The following GREB1 variants were observed in gnomAD, a reference collection of about 807,000 sequenced individuals.
The protein encoded by GREB1 is protein GREB1.
GREB1 carries 106 observed loss-of-function variants against 200.7 expected under a neutral mutation model. The ratio of observed to expected loss-of-function variants is 0.53; its 90% confidence interval spans 0.45 to 0.62. The LOEUF (loss-of-function observed/expected upper bound fraction) is 0.62, where lower values mean the gene tolerates loss of function less well. GREB1 is among the 20% of genes least tolerant of loss of function. GREB1 has a pLI of 0.00. For missense variants in GREB1, 2,243 were observed against 2,556.8 expected, an observed-to-expected ratio of 0.88 and a Z score of 2.65; for synonymous variants, 1,132 against 1,092.4, an observed-to-expected ratio of 1.04 and a Z score of -0.72.
Position 11,625,267 on chromosome 2 carries a change from G to A in GREB1, c.4261G>A (p.Asp1421Asn), listed in dbSNP as rs780873964. Residue 1421 changes from aspartate to asparagine, a missense_variant, in exon 24 of 33, where the codon GAT becomes AAT. Asp to Asn is a conservative substitution (Grantham distance 23). This residue lies in a region of GREB1 where 587 missense variants were observed against 553.1 expected (regional missense o/e 1.06). Coordinates refer to ENST00000381486, the MANE Select transcript of GREB1 (RefSeq NM_014668.4). Reference protein sequence around the residue: ...DYIIHDPKYEDASLICSHYQG... With the variant: ...DYIIHDPKYENASLICSHYQG... ...CATCATTCACGACCCGAAGTATGAA[G>A]ATGCCAGCCTGATTTGTTCGCACTA... The A allele has an allele frequency of 1.2e-6, 2 of 1,614,188 alleles. No homozygotes were observed.
chr2:11,566,429 C>T (rs1478988312), intron 3 of GREB1, 51 bp from the exon 4 acceptor site: 1 of 1,533,546 alleles, frequency 6.5e-7, no homozygotes, highest in Non-Finnish European at 8.8e-7. Flanking sequence ...CCCTGTGACC[C>T]CGCTTCTGGG....
In GREB1 at chr2:11,640,157, G is replaced by A. The variant is rs751040040; in HGVS notation, c.5687-134G>A. On this transcript the variant is annotated intron_variant, in intron 32 of 32. Coordinates refer to ENST00000381486, the MANE Select transcript of GREB1 (RefSeq NM_014668.4). This position sits in a 1 kb window ranked among gnomAD's most constrained non-coding sequence, Gnocchi z 4.6. Reference sequence around the variant, plus strand: ...TGTACATCATCCCGAAAGAAGCAAGGGGCCGACTTGGATGCCGCTTCTGCC... The same window carrying A: ...TGTACATCATCCCGAAAGAAGCAAGAGGCCGACTTGGATGCCGCTTCTGCC... 16 of 736,376 alleles carry A rather than the reference G, an allele frequency of 2.2e-5. No individual in the cohort carries two copies. The highest frequency in any genetic ancestry group is 3.5e-5 in the Non-Finnish European group (16 of 458,470). 45.6% of individuals were successfully genotyped at this position (736,376 alleles called of 1,614,324 possible). A position where few individuals can be genotyped will look rare whatever the true frequency, so the allele number is the denominator to read the frequency against.
rs1489212280 is a variant in GREB1 at position 11,492,673 on chromosome 2, G to C, written c.-159+10292G>C. On this transcript the variant is annotated intron_variant, in intron 1 of 2. Coordinates refer to the GREB1 transcript ENST00000628795. This position sits in a 1 kb window ranked among gnomAD's most constrained non-coding sequence, Gnocchi z 4.0. ...GAATCAATGTAAGGGAAGAGAAAAG[G>C]GTAAAAGTTTGTTTTGAGGAAAACA... is the stretch of plus-strand genomic sequence containing the variant. 6.6e-6 allele frequency among the ~76,000 whole-genome samples: 1 copy of C among 152,188 alleles called. No homozygotes were observed. Among genetic ancestry groups the C allele is most frequent in the Admixed American group, 6.5e-5 (1 of 15,282 alleles).
At position 11,629,744 on chromosome 2, in the gene GREB1, C is replaced by T. The variant is rs1392169760; in HGVS notation, c.4450-204C>T. ...ACTGAGGATGGGAGCAGGCTCTCGT[C>T]GTGGGTGTGTGGCCTCGGGCGTGCT... On this transcript the variant is annotated intron_variant, in intron 25 of 32. Coordinates refer to ENST00000381486, the MANE Select transcript of GREB1 (RefSeq NM_014668.4). The surrounding 1 kb of genome is among the most constrained non-coding windows in gnomAD (Gnocchi z 5.2). Among the ~76,000 whole-genome samples the T allele has an allele frequency of 2.0e-5, 3 of 152,088 alleles. No homozygotes were observed. The highest frequency in any genetic ancestry group is 2.9e-5 in the Non-Finnish European group (2 of 68,024).
intron 30 of GREB1, among the ~76,000 whole-genome samples, chr2:11,636,074 C>T (rs775339446): frequency 3.9e-5 from 6 of 152,226 alleles, no homozygotes; most frequent in Non-Finnish European, 8.8e-5. Flanking sequence ...GAGTTAGCTA[C>T]GCTGAGGTGG....
chr2:11,605,483 C>T (rs906664843), intron 17 of GREB1, among the ~76,000 whole-genome samples: 2 of 152,056 alleles, frequency 1.3e-5, no homozygotes, highest in Admixed American at 1.3e-4. Context: ...CTCAGCTTCC[C>T]AAAGTGTTGG....
chr2:11,616,730 C>T lies in GREB1; in HGVS notation c.3412+10C>T, dbSNP rs1558640865. The T allele has an allele frequency of 6.4e-7, 1 of 1,564,864 alleles. No individual in the cohort carries two copies. The highest frequency in any genetic ancestry group is 8.8e-7 in the Non-Finnish European group (1 of 1,135,054). The stretch of plus-strand genomic sequence containing the variant: ...TCCTCCAAGGCTTCCGGTGAGTCTT[C>T]CCACACGGGAAGGACCAGACCAGCA... On this transcript the variant is annotated intron_variant, in intron 21 of 32. Coordinates refer to ENST00000381486, the MANE Select transcript of GREB1 (RefSeq NM_014668.4).
intron 1 of GREB1, among the ~76,000 whole-genome samples, chr2:11,509,476 T>TAA (rs763206269): frequency 0.33 from 2,961 of 8,890 alleles, 118 homozygotes; most frequent in African/African-American, 0.35. Flanking sequence ...GTGTTCTCTT[T>TAA]AAAAAAAAAA....
intron 15 of GREB1, among the ~76,000 whole-genome samples, chr2:11,599,218 C>T (rs1221892313): frequency 1.3e-5 from 2 of 152,098 alleles, no homozygotes; most frequent in Non-Finnish European, 2.9e-5. Context: ...CAACAAGGAG[C>T]CATGCTGGTG....
At position 11,598,666 on chromosome 2, in the gene GREB1, T is replaced by C; in HGVS notation, c.2153-14T>C. On this transcript the variant is annotated splice_polypyrimidine_tract_variant and intron_variant, in intron 14 of 32. Coordinates refer to ENST00000381486, the MANE Select transcript of GREB1 (RefSeq NM_014668.4). Reference sequence around the variant, plus strand: ...CATGTTTGCAGTTACTGATGTATGTTCTTTGTGTTGCAGGGGTTTTGCTGG... The same window carrying C: ...CATGTTTGCAGTTACTGATGTATGTCCTTTGTGTTGCAGGGGTTTTGCTGG... The C allele has an allele frequency of 6.2e-7, 1 of 1,613,304 alleles. No homozygotes were observed. The highest frequency in any genetic ancestry group is 8.5e-7 in the Non-Finnish European group (1 of 1,179,336).
At chr2:11,526,201 A>G (rs1197382718) in intron 1 of GREB1, among the ~76,000 whole-genome samples, 2 of 152,154 alleles carry the variant, frequency 1.3e-5, no homozygotes, top group African/African-American at 4.8e-5. Flanking sequence ...CATCTTTGCC[A>G]CATTTCTTTC....
chr2:11,523,174 A>G (rs1376834644), intron 1 of GREB1, among the ~76,000 whole-genome samples: 2 of 152,194 alleles, frequency 1.3e-5, no homozygotes, highest in Non-Finnish European at 2.9e-5. Flanking sequence ...TGGGAGCTAA[A>G]TGATGAGAAC....
At position 11,578,341 on chromosome 2, in the gene GREB1, C is replaced by T. The variant is rs1558574435; in HGVS notation, c.682C>T (p.Leu228Phe). Reference protein sequence around the residue: ...QIPASTCSSSLFPALESTAAF... With the variant: ...QIPASTCSSSFFPALESTAAF... ...CCCCGCCAGTACTTGTTCCAGTTCC[C>T]TCTTCCCAGCCCTGGAGAGCACGGC... The change falls in exon 6 of 33, where the codon CTC (leucine) becomes TTC (phenylalanine). Residue 228 changes from leucine (L) to phenylalanine (F), a missense_variant. Leu to Phe is a conservative substitution (Grantham distance 22). Around this residue, in one of 3 missense-constraint regions of GREB1, gnomAD observed 1,178 missense variants for 1,387.4 expected, o/e 0.85. Coordinates refer to ENST00000381486, the MANE Select transcript of GREB1 (RefSeq NM_014668.4). 6.2e-7 allele frequency: 1 copy of T among 1,614,154 alleles called. No individual in the cohort carries two copies. The highest frequency in any genetic ancestry group is 1.1e-5 in the South Asian group (1 of 91,086).
intron 1 of GREB1, among the ~76,000 whole-genome samples, chr2:11,484,107 T>A (rs1476513879): frequency 6.6e-6 from 1 of 152,168 alleles, no homozygotes; most frequent in Non-Finnish European, 1.5e-5. Context: ...TGTAGCACTT[T>A]GTTATTGGGA....
At chr2:11,578,459 G>A in intron 6 of GREB1, 28 bp downstream of exon 6, 1 of 1,610,264 alleles carries the variant, frequency 6.2e-7, no homozygotes, top group Non-Finnish European at 8.5e-7. Flanking sequence ...CACCAGAGCT[G>A]CTAAACCCAC....
At chr2:11,530,413 A>AG (rs569052237), upstream of GREB1, among the ~76,000 whole-genome samples, 1,776 of 152,018 alleles carry the variant, frequency 0.012, 19 homozygotes, top group Middle Eastern at 0.031. Flanking sequence ...TAGGAAAAAA[A>AG]AAAAAAGTAA....
chr2:11,545,432 A>T (rs12623299), intron 1 of GREB1, among the ~76,000 whole-genome samples: 1 of 152,040 alleles, frequency 6.6e-6, no homozygotes, highest in African/African-American at 2.4e-5. Flanking sequence ...GCACCCGGCC[A>T]ATCAGCAACT....
In GREB1 at chr2:11,486,246, T is replaced by C. The variant is rs986816324; in HGVS notation, c.-159+3865T>C. ...CCTCCCAGCTCTTACACTGCCTTAA[T>C]GGAGAGTCTTGGAATCTATTGGTTC... On this transcript the variant is annotated intron_variant, in intron 1 of 2. Transcript: ENST00000628795. Among the ~76,000 whole-genome samples, 3 of 152,208 alleles carry C rather than the reference T, an allele frequency of 2.0e-5. 1 individual carries two copies. Among genetic ancestry groups the C allele is most frequent in the Admixed American group, 2.0e-4 (3 of 15,286 alleles).
intron 28 of GREB1, 73 bp from the exon 29 acceptor site, chr2:11,634,058 C>T (rs1685109141): frequency 2.1e-6 from 3 of 1,395,504 alleles, no homozygotes; most frequent in Non-Finnish European, 3.0e-6. Flanking sequence ...GCCGGTGCCA[C>T]ACTGCCTGGT....
Sources: gnomAD v4.1 joint callset for allele counts (sites outside exome capture counted in the v4.1 genomes callset) on GRCh38, gnomAD v4.1.1 for gene constraint, gnomAD v4.1.1 regional missense constraint, Gnocchi (gnomAD v3.1) non-coding constraint, MANE v1.5 for transcripts, NCBI Gene and HGNC (gene_info 2026-07-23, HGNC 2026-07-21) for gene names.